The following ASXL3 variants were observed in gnomAD, a reference collection of about 807,000 sequenced individuals.
ASXL3 encodes the protein ASXL transcriptional regulator 3, also known as putative Polycomb group protein ASXL3.
A neutral mutation model predicts 170.6 loss-of-function variants in ASXL3; 34 were observed. That is an observed-to-expected ratio of 0.20 (90% CI 0.15 to 0.27). ASXL3 has a LOEUF of 0.27. Ranked by LOEUF, ASXL3 falls within the 10% of genes least tolerant of loss-of-function variation. The pLI is 1.00. For synonymous variants in ASXL3, 1,002 were observed against 989.1 expected, an observed-to-expected ratio of 1.01 and a Z score of -0.24; for missense variants, 2,592 against 2,695.3, an observed-to-expected ratio of 0.96 and a Z score of 0.85.
chr18:33,738,438 C>G (rs776382155), intron 10 of ASXL3, 49 bp from the exon 11 acceptor site: 3 of 1,508,498 alleles, frequency 2.0e-6, no homozygotes, highest in Admixed American at 2.2e-5. Flanking sequence ...CCAGTTGTAC[C>G]TTTTATGTTT....
At chr18:33,726,315 A>C (rs1250384124) in intron 8 of ASXL3, among the ~76,000 whole-genome samples, 1 of 152,092 alleles carries the variant, frequency 6.6e-6, no homozygotes, top group Non-Finnish European at 1.5e-5. Context: ...ATCCCAGTCC[A>C]AGCTACTATC....
intron 2 of ASXL3, chr18:33,608,973 CT>C (rs78749782): frequency 0.24 from 172,285 of 721,780 alleles, 9,526 homozygotes; most frequent in African/African-American, 0.33. Context: ...ATTTTGGAGA[CT>C]TTTTTTTTTT....
rs533692101 is a variant in ASXL3, at chr18:33,739,020, T to C, written c.1616T>C (p.Val539Ala). The change falls in exon 11 of 12, where the codon GTC (valine) becomes GCC (alanine). Residue 539 changes from valine to alanine, a missense_variant. By Grantham distance (64) the Val-to-Ala change is moderately conservative (BLOSUM62 0). Around this residue, in one of 4 missense-constraint regions of ASXL3, gnomAD observed 2,246 missense variants for 2,219.6 expected, o/e 1.01. Transcript: ENST00000269197. ...ACAGTTGTTATCGATCAGTTAGAAG[T>C]CTGTGACTCTCTTATTCCTTCCACT... The part of the protein sequence containing the change: ...EMTVVIDQLE[V>A]CDSLIPSTSS... 1 of 1,613,544 alleles carries C rather than the reference T, an allele frequency of 6.2e-7. No homozygotes were observed. Among genetic ancestry groups the C allele is most frequent in the African/African-American group, 1.3e-5 (1 of 75,040 alleles).
At chr18:33,681,710 A>G (rs2066518789) in intron 7 of ASXL3, among the ~76,000 whole-genome samples, 1 of 151,800 alleles carries the variant, frequency 6.6e-6, no homozygotes, top group African/African-American at 2.4e-5. Flanking sequence ...TCATTATTTC[A>G]GTTCTGAAAA....
intron 1 of ASXL3, among the ~76,000 whole-genome samples, chr18:33,585,644 T>C (rs1457782974): frequency 6.6e-6 from 1 of 152,194 alleles, no homozygotes; most frequent in African/African-American, 2.4e-5. Flanking sequence ...ATTTATGCCC[T>C]GGGGTTAGCG....
intron 8 of ASXL3, among the ~76,000 whole-genome samples, chr18:33,697,945 A>G (rs755353934): frequency 6.6e-6 from 1 of 152,084 alleles, no homozygotes. Flanking sequence ...CTATAACTAC[A>G]TTGTTTTCCC....
chr18:33,681,982 A>T (rs1294203847), intron 7 of ASXL3, among the ~76,000 whole-genome samples: 1 of 152,190 alleles, frequency 6.6e-6, no homozygotes, highest in African/African-American at 2.4e-5. Flanking sequence ...TAGAAGTATT[A>T]TCTGGTTCTC....
chr18:33,646,520 T>TAA (rs2065917304), intron 4 of ASXL3, among the ~76,000 whole-genome samples, 167 bp downstream of exon 4: 1 of 152,110 alleles, frequency 6.6e-6, no homozygotes, highest in African/African-American at 2.4e-5. Context: ...GGATAAAATC[T>TAA]AAAAGAAGTA....
intron 4 of ASXL3, among the ~76,000 whole-genome samples, chr18:33,657,475 T>C (rs540698241): frequency 6.6e-6 from 1 of 152,196 alleles, no homozygotes; most frequent in African/African-American, 2.4e-5. Flanking sequence ...GTCAGTGGAT[T>C]AGTAATTACA....
intron 4 of ASXL3, among the ~76,000 whole-genome samples, chr18:33,651,406 ATG>A: frequency 6.6e-6 from 1 of 151,926 alleles, no homozygotes; most frequent in East Asian, 1.9e-4. Context: ...ATATGAGTGG[ATG>A]TGTGTGTGTG....
intron 9 of ASXL3, 37 bp from the exon 10 acceptor site, chr18:33,734,273 A>C (rs768646696): frequency 1.4e-6 from 2 of 1,408,760 alleles, no homozygotes; most frequent in South Asian, 2.8e-5. Context: ...AAAAGATGTG[A>C]CCACATTTAT....
At chr18:33,693,337 G>A (rs1319239132) in intron 8 of ASXL3, among the ~76,000 whole-genome samples, 1 of 152,064 alleles carries the variant, frequency 6.6e-6, no homozygotes, top group Non-Finnish European at 1.5e-5. Flanking sequence ...GGAAGAGAGA[G>A]GATTTGATTT....
chr18:33,627,531 C>G (rs2065620475), intron 2 of ASXL3, among the ~76,000 whole-genome samples: 1 of 152,114 alleles, frequency 6.6e-6, no homozygotes, highest in South Asian at 2.1e-4. Context: ...GACTGCATCT[C>G]CATGATCTTT....
chr18:33,578,795 C>T, intron 1 of ASXL3, 110 bp downstream of exon 1: 4 of 646,522 alleles, frequency 6.2e-6, no homozygotes, highest in Non-Finnish European at 8.2e-6. Flanking sequence ...CCGCCGCCCG[C>T]TCGCCGGGCT....
At chr18:33,737,341 A>G (rs941481208) in intron 10 of ASXL3, among the ~76,000 whole-genome samples, 1 of 152,188 alleles carries the variant, frequency 6.6e-6, no homozygotes. Context: ...CAATGTTACC[A>G]TGACTATATT....
intron 2 of ASXL3, among the ~76,000 whole-genome samples, chr18:33,644,478 GTTTTTT>G (rs75956043): frequency 5.2e-5 from 7 of 135,124 alleles, no homozygotes; most frequent in African/African-American, 1.3e-4. Context: ...GGGTTTTTTT[GTTTTTT>G]TTTTTTTGAT....
intron 7 of ASXL3, among the ~76,000 whole-genome samples, chr18:33,677,040 A>G (rs2066441372): frequency 6.6e-6 from 1 of 152,192 alleles, no homozygotes; most frequent in Non-Finnish European, 1.5e-5. Flanking sequence ...CTTCCTACCC[A>G]GTCACATAGT....
intron 2 of ASXL3, among the ~76,000 whole-genome samples, chr18:33,608,128 G>A (rs533200409): frequency 8.5e-5 from 13 of 152,072 alleles, no homozygotes; most frequent in Non-Finnish European, 1.8e-4. Flanking sequence ...GGTGCATCCC[G>A]TAATAGCTGT....
At chr18:33,727,835 C>T (rs1461565052) in intron 8 of ASXL3, among the ~76,000 whole-genome samples, 3 of 152,102 alleles carry the variant, frequency 2.0e-5, no homozygotes, top group Non-Finnish European at 2.9e-5. Context: ...CATTTATTTC[C>T]TAAATCAAAT....
Sources: allele counts gnomAD v4.1 joint callset (sites outside exome capture counted in the v4.1 genomes callset), GRCh38; gene constraint gnomAD v4.1.1; regional missense constraint gnomAD v4.1.1; transcripts MANE v1.5; gene names NCBI Gene and HGNC (gene_info 2026-07-23, HGNC 2026-07-21).